The following BORCS5 variants were observed in gnomAD, a reference collection of about 807,000 sequenced individuals.
BORCS5 encodes BLOC-1-related complex subunit 5.
A neutral mutation model predicts 22.1 loss-of-function variants in BORCS5; 17 were observed. That is an observed-to-expected ratio of 0.77 (90% CI 0.53 to 1.15). The LOEUF (loss-of-function observed/expected upper bound fraction) is 1.15. Among genes scored for constraint, BORCS5 ranks in the 50% most tolerant of loss-of-function variants. BORCS5 has a pLI of 0.00. For missense variants in BORCS5, 247 were observed against 253.2 expected (o/e 0.98, Z 0.17); for synonymous variants, 117 against 99.8 (o/e 1.17, Z -1.03).
At chr12:12,456,075 A>T (rs1284378012) in intron 3 of BORCS5, among the ~76,000 whole-genome samples, 1 of 152,208 alleles carries the variant, frequency 6.6e-6, no homozygotes, top group Non-Finnish European at 1.5e-5. Context: ...TTTCTAACTT[A>T]AAATAAGCCC....
intron 2 of BORCS5, among the ~76,000 whole-genome samples, chr12:12,429,582 G>A (rs1028269524): frequency 6.8e-6 from 1 of 146,482 alleles, no homozygotes; most frequent in African/African-American, 2.7e-5. Context: ...ATGACTTAAA[G>A]TGTAATTCCT....
rs114505332 is a variant in BORCS5, at chr12:12,444,140, C to A, written c.360+8355C>A. ...GTTGAATAAATACTTGTTTAATGAA[C>A]AACTTTATATTCTTCAATTATCTCA... On this transcript the variant is annotated intron_variant, in intron 3 of 3. Transcript: ENST00000314565. Among the ~76,000 whole-genome samples, 434 of 152,320 alleles carry A rather than the reference C, an allele frequency of 2.8e-3. 2 individuals are homozygous for A. Among genetic ancestry groups the A allele is most frequent in the African/African-American group, 8.9e-3 (371 of 41,570 alleles).
intron 2 of BORCS5, among the ~76,000 whole-genome samples, chr12:12,427,802 A>T (rs1433406270): frequency 6.6e-6 from 1 of 152,172 alleles, no homozygotes; most frequent in Non-Finnish European, 1.5e-5. Context: ...GTGGCCTCAC[A>T]TGGCTGGGAA....
chr12:12,393,079 C>CA (rs1158093369), intron 2 of BORCS5, among the ~76,000 whole-genome samples: 2 of 151,894 alleles, frequency 1.3e-5, no homozygotes, highest in Non-Finnish European at 2.9e-5. Flanking sequence ...ACAAAAAATA[C>CA]AAAAAAATTA....
chr12:12,374,892 G>T (rs964363845), intron 2 of BORCS5, among the ~76,000 whole-genome samples: 1 of 150,860 alleles, frequency 6.6e-6, no homozygotes, highest in African/African-American at 2.4e-5. Flanking sequence ...GGAGGCAGAG[G>T]TTGCAGTGAG....
chr12:12,407,702 C>CTTTTTTTTTT lies in BORCS5; in HGVS notation c.203-27921_203-27920insTTTTTTTTTT, dbSNP rs201404558. 1.4e-5 allele frequency among the ~76,000 whole-genome samples: 2 copies of CTTTTTTTTTT among 141,768 alleles called. 1 individual carries two copies. The allele number at this position is 141,768 out of a possible 152,430, so 93.0% of individuals were successfully genotyped here. On this transcript the variant is annotated intron_variant, in intron 2 of 3. Coordinates refer to ENST00000314565, the MANE Select transcript of BORCS5 (RefSeq NM_058169.6). ...TATTTTCGCCATGAATTTTACTATT[C>CTTTTTTTTTT]TTTTTGTTTTTTTTTTTTTTTGAGA...
chr12:12,470,296 C>T lies in BORCS5; in HGVS notation c.*4520C>T, dbSNP rs1943271872. 6.6e-6 allele frequency among the ~76,000 whole-genome samples: 1 copy of T among 152,138 alleles called. No homozygotes were observed. The highest frequency in any genetic ancestry group is 1.5e-5 in the Non-Finnish European group (1 of 68,028). ...TGTTGGCCAGGCAGGTCTCAAACTC[C>T]TGACCTCGTGATCTGCCCGACTTGG... On this transcript the variant is annotated 3_prime_UTR_variant, in exon 4 of 4. Transcript: ENST00000314565.
intron 3 of BORCS5, among the ~76,000 whole-genome samples, chr12:12,439,887 T>C (rs974728785): frequency 7.2e-5 from 11 of 152,174 alleles, no homozygotes; most frequent in African/African-American, 2.7e-4. Context: ...GACCTAAGGG[T>C]TGAAATTAGT....
At chr12:12,454,362 T>G (rs1854120421) in intron 3 of BORCS5, among the ~76,000 whole-genome samples, 1 of 152,258 alleles carries the variant, frequency 6.6e-6, no homozygotes, top group African/African-American at 2.4e-5. Flanking sequence ...GCCTTTTAAT[T>G]TGAGCCATCC....
chr12:12,395,726 G>C (rs760461554), intron 2 of BORCS5, among the ~76,000 whole-genome samples: 2 of 151,978 alleles, frequency 1.3e-5, no homozygotes, highest in Admixed American at 6.6e-5. Flanking sequence ...TGACAGCTGC[G>C]CTTTTTGAAT....
intron 2 of BORCS5, among the ~76,000 whole-genome samples, chr12:12,396,717 C>T (rs2136067016): frequency 6.6e-6 from 1 of 152,218 alleles, no homozygotes; most frequent in South Asian, 2.1e-4. Context: ...TATGTTTAAA[C>T]TGAGAGTGAA....
At chr12:12,375,220 C>G (rs1863622799) in intron 2 of BORCS5, among the ~76,000 whole-genome samples, 1 of 152,114 alleles carries the variant, frequency 6.6e-6, no homozygotes, top group Admixed American at 6.5e-5. Flanking sequence ...ACCATGTTGG[C>G]CAAGCTGGTC....
At chr12:12,447,679 C>G (rs1391245908) in intron 3 of BORCS5, among the ~76,000 whole-genome samples, 1 of 152,220 alleles carries the variant, frequency 6.6e-6, no homozygotes, top group African/African-American at 2.4e-5. Context: ...CACTGCTAAG[C>G]TCTGTTCTCT....
At chr12:12,375,712 A>G (rs1012079757) in intron 2 of BORCS5, among the ~76,000 whole-genome samples, 7 of 152,248 alleles carry the variant, frequency 4.6e-5, no homozygotes, top group African/African-American at 1.7e-4. Context: ...AGTGAAATGC[A>G]AAGTGACATT....
chr12:12,375,731 T>G (rs1393644911), intron 2 of BORCS5, among the ~76,000 whole-genome samples: 1 of 152,234 alleles, frequency 6.6e-6, no homozygotes, highest in Non-Finnish European at 1.5e-5. Flanking sequence ...TTTTAAAGAA[T>G]GCACTTGGAT....
chr12:12,408,531 T>A (rs1277001510), intron 2 of BORCS5, among the ~76,000 whole-genome samples: 1 of 152,204 alleles, frequency 6.6e-6, no homozygotes, highest in African/African-American at 2.4e-5. Context: ...CCTGAAACTC[T>A]ATATCCGTTA....
At chr12:12,452,454 G>T in intron 3 of BORCS5, 3 of 509,720 alleles carry the variant, frequency 5.9e-6, no homozygotes, top group South Asian at 3.0e-5. Context: ...GGTTTCCCAT[G>T]ATTGTTAAGA....
At chr12:12,414,233 C>A (rs1482329132) in intron 2 of BORCS5, among the ~76,000 whole-genome samples, 3 of 73,528 alleles carry the variant, frequency 4.1e-5, no homozygotes, top group African/African-American at 6.0e-5. Flanking sequence ...CCCTCCCGGA[C>A]GGGGCGGCTG....
intron 3 of BORCS5, among the ~76,000 whole-genome samples, chr12:12,439,811 G>A (rs550763945): frequency 2.6e-5 from 4 of 152,150 alleles, no homozygotes; most frequent in Non-Finnish European, 4.4e-5. Context: ...TAATGTGTCC[G>A]TCTTATCTCT....
Sources: allele counts gnomAD v4.1 joint callset (sites outside exome capture counted in the v4.1 genomes callset), GRCh38; gene constraint gnomAD v4.1.1; transcripts MANE v1.5; gene names NCBI Gene and HGNC (gene_info 2026-07-23, HGNC 2026-07-21).